SUPT3H: variants seen among roughly 807,000 people sequenced by gnomAD.
SUPT3H encodes the protein transcription initiation protein SPT3 homolog.
SUPT3H carries 44 observed loss-of-function variants against 44.3 expected under a neutral mutation model. The ratio of observed to expected loss-of-function variants is 0.99; its 90% CI spans 0.78 to 1.28. The LOEUF is 1.28. Among genes scored for constraint, SUPT3H ranks in the 50% most tolerant of loss-of-function variants. SUPT3H has a pLI of 0.00. For synonymous variants in SUPT3H, 124 were observed against 125.6 expected (o/e 0.99, Z 0.09); for missense variants, 380 against 387.1 (o/e 0.98, Z 0.15).
chr6:44,900,982 TAACA>T (rs1224308625), intron 10 of SUPT3H, among the ~76,000 whole-genome samples: 2 of 151,990 alleles, frequency 1.3e-5, no homozygotes, highest in Non-Finnish European at 2.9e-5. Context: ...GAAGGAAAAC[TAACA>T]AACAGAAGGA....
At chr6:45,159,289 G>A (rs528174036) in intron 2 of SUPT3H, 3 of 152,178 alleles carry the variant, frequency 2.0e-5, no homozygotes, top group Non-Finnish European at 4.4e-5. Flanking sequence ...GTGAAAGATT[G>A]TTACTGGGCA....
At chr6:44,922,695 C>A (rs1041528560) in intron 10 of SUPT3H, among the ~76,000 whole-genome samples, 1 of 152,022 alleles carries the variant, frequency 6.6e-6, no homozygotes, top group African/African-American at 2.4e-5. Flanking sequence ...ATATAAAATA[C>A]TTAAAAAATG....
intron 2 of SUPT3H, among the ~76,000 whole-genome samples, chr6:45,133,190 GAAAAAACTGACTCCACAC>G (rs1803749622): frequency 6.6e-6 from 1 of 152,074 alleles, no homozygotes; most frequent in Non-Finnish European, 1.5e-5. Flanking sequence ...AAACTTGTGG[GAAAAAACTGACTCCACAC>G]AAAGTTCTTT....
intron 2 of SUPT3H, among the ~76,000 whole-genome samples, chr6:45,211,579 G>T (rs1027698967): frequency 1.3e-5 from 2 of 152,060 alleles, no homozygotes; most frequent in African/African-American, 2.4e-5. Flanking sequence ...GGCCAGGCGT[G>T]GTGGCTCGCA....
rs146401592 is a variant in SUPT3H at position 45,344,436 on chromosome 6, GT to G, written c.101+20764del. Among the ~76,000 whole-genome samples, 55 of 147,612 alleles carry G rather than the reference GT, an allele frequency of 3.7e-4. No individual in the cohort carries two copies. The East Asian group carries it at 7.3e-3, about 20-fold the overall frequency. ...GCTTTATTGTTTTCATTCTCTGATG[GT>G]TTTTTTTTTCATTCATGTCCAAATG... On this transcript the variant is annotated intron_variant, in intron 2 of 10. Transcript: ENST00000371459.
rs57838175 is a variant in SUPT3H, at chr6:45,175,012, T to TAAAAA, written c.102-69011_102-69007dup. Among the ~76,000 whole-genome samples the TAAAAA allele has an allele frequency of 1.2e-3, 72 of 62,524 alleles. 1 individual carries two copies. Among genetic ancestry groups the TAAAAA allele is most frequent in the South Asian group, 2.1e-3 (3 of 1,456 alleles). 41.0% of individuals were successfully genotyped at this position (62,524 alleles called of 152,430 possible). On this transcript the variant is annotated intron_variant, in intron 2 of 10. Coordinates refer to ENST00000371459, the MANE Select transcript of SUPT3H (RefSeq NM_003599.4). ...GGGCAACATAGTGAGCCCTCGTCAC[T>TAAAAA]AAAAAAAAAAAAAAAAAAAAAAAAA...
intron 2 of SUPT3H, among the ~76,000 whole-genome samples, chr6:45,228,460 C>A (rs1482267766): frequency 6.6e-6 from 1 of 151,742 alleles, no homozygotes; most frequent in Non-Finnish European, 1.5e-5. Context: ...TGAAACATTG[C>A]CTTTTCCTGG....
intron 2 of SUPT3H, among the ~76,000 whole-genome samples, chr6:45,307,337 C>T (rs889862847): frequency 6.6e-6 from 1 of 152,216 alleles, no homozygotes; most frequent in Non-Finnish European, 1.5e-5. Flanking sequence ...GGGTCCCTGA[C>T]ACCCGAGTAG....
chr6:44,816,944 C>G (rs1181045021), intron 11 of SUPT3H, among the ~76,000 whole-genome samples: 1 of 152,062 alleles, frequency 6.6e-6, no homozygotes, highest in Non-Finnish European at 1.5e-5. Context: ...GCTTATACTT[C>G]TAGCTGTTTG....
intron 2 of SUPT3H, among the ~76,000 whole-genome samples, chr6:45,327,623 T>C (rs532171310): frequency 3.9e-5 from 6 of 152,096 alleles, no homozygotes; most frequent in African/African-American, 1.4e-4. Flanking sequence ...GATAATAAAC[T>C]AGACAGACGT....
At chr6:45,280,604 T>C (rs554709104) in intron 2 of SUPT3H, among the ~76,000 whole-genome samples, 1 of 152,316 alleles carries the variant, frequency 6.6e-6, no homozygotes, top group African/African-American at 2.4e-5. Flanking sequence ...TTGATTATCA[T>C]TTGTCTATCT....
At chr6:44,915,575 C>G (rs1020779852) in intron 10 of SUPT3H, among the ~76,000 whole-genome samples, 1 of 152,168 alleles carries the variant, frequency 6.6e-6, no homozygotes, top group Non-Finnish European at 1.5e-5. Flanking sequence ...TACCCTCCAG[C>G]ATTAACATCA....
At chr6:45,017,893 G>T (rs1261489553) in intron 4 of SUPT3H, among the ~76,000 whole-genome samples, 1 of 145,790 alleles carries the variant, frequency 6.9e-6, no homozygotes, top group African/African-American at 2.6e-5. Context: ...AAAGTCATTG[G>T]TAGCTTTATG....
intron 2 of SUPT3H, among the ~76,000 whole-genome samples, chr6:45,223,752 C>T (rs1766449948): frequency 6.6e-6 from 1 of 151,574 alleles, no homozygotes; most frequent in Non-Finnish European, 1.5e-5. Flanking sequence ...GATACATTTA[C>T]TGTAATTATC....
At position 45,063,029 on chromosome 6, in the gene SUPT3H, C is replaced by T. The variant is rs1349520746; in HGVS notation, c.187-42397G>A. On this transcript the variant is annotated intron_variant, in intron 3 of 10. Transcript: ENST00000371459. ...GGCAGGGCACAGACAAACAAAAAGA[C>T]AGCAGTAACCTCTGCAGACTTAAGT... Among the ~76,000 whole-genome samples the T allele has an allele frequency of 7.2e-4, 109 of 150,826 alleles. 2 individuals are homozygous for T. The highest frequency in any genetic ancestry group is 2.5e-3 in the African/African-American group (101 of 40,680).
intron 11 of SUPT3H, among the ~76,000 whole-genome samples, chr6:44,810,989 C>T (rs1766480032): frequency 6.6e-6 from 1 of 152,156 alleles, no homozygotes; most frequent in Non-Finnish European, 1.5e-5. Context: ...ATACCCAACA[C>T]CTACTTTCCT....
At chr6:45,354,003 CAAAG>C (rs1044543532) in intron 2 of SUPT3H, among the ~76,000 whole-genome samples, 8 of 151,902 alleles carry the variant, frequency 5.3e-5, no homozygotes, top group African/African-American at 1.9e-4. Flanking sequence ...GCTCAGTTGT[CAAAG>C]AAAAGCTGAA....
intron 10 of SUPT3H, among the ~76,000 whole-genome samples, chr6:44,889,204 T>C (rs1247742864): frequency 2.0e-5 from 3 of 152,146 alleles, no homozygotes; most frequent in Non-Finnish European, 4.4e-5. Flanking sequence ...AGGTAATTTA[T>C]AGATTCAATG....
chr6:45,231,230 T>C (rs910044480), intron 2 of SUPT3H, among the ~76,000 whole-genome samples: 1 of 152,208 alleles, frequency 6.6e-6, no homozygotes, highest in Non-Finnish European at 1.5e-5. Flanking sequence ...GTCACCCTTT[T>C]GCTTGCTTCT....
Sources: gnomAD v4.1 joint callset for allele counts (sites outside exome capture counted in the v4.1 genomes callset) on GRCh38, gnomAD v4.1.1 for gene constraint, MANE v1.5 for transcripts, NCBI Gene and HGNC (gene_info 2026-07-23, HGNC 2026-07-21) for gene names.